The following TRDN variants were observed in gnomAD, a reference collection of about 807,000 sequenced individuals.
TRDN encodes triadin, also known as triadin in skeletal muscle.
Under a neutral mutation model 149.7 loss-of-function variants are expected in TRDN, and 161 were observed. That is an observed-to-expected ratio of 1.08 (90% CI 0.95 to 1.23). The LOEUF is 1.23. TRDN is among the 50% of genes most tolerant of loss of function. The probability of loss-of-function intolerance (pLI) is 0.00; values close to 1 mark genes in which losing one functional copy is unlikely to be tolerated. For synonymous variants in TRDN, 294 were observed against 250.5 expected, an observed-to-expected ratio of 1.17 and a Z score of -1.64; for missense variants, 896 against 823.5, an observed-to-expected ratio of 1.09 and a Z score of -1.08.
chr6:123,301,756 T>TATATATATATACATATATATATATATAC (rs1562252192), intron 24 of TRDN, among the ~76,000 whole-genome samples: 1 of 71,560 alleles, frequency 1.4e-5, no homozygotes, highest in African/African-American at 4.1e-5. Context: ...TATATACATA[T>TATATATATATACATATATATATATATAC]ATATATATAT....
intron 2 of TRDN, among the ~76,000 whole-genome samples, chr6:123,551,348 C>CGT (rs1781380153): frequency 6.9e-6 from 1 of 144,980 alleles, no homozygotes; most frequent in Admixed American, 6.8e-5. Flanking sequence ...TAAATACACA[C>CGT]ACACACACAC....
At chr6:123,622,303 C>CTA (rs113109457) in intron 1 of TRDN, among the ~76,000 whole-genome samples, 21,062 of 150,128 alleles carry the variant, frequency 0.14, 1,777 homozygotes, top group East Asian at 0.32. Flanking sequence ...CTCTCTCTCT[C>CTA]TATATATATA....
chr6:123,573,498 G>A (rs149054272), intron 1 of TRDN, among the ~76,000 whole-genome samples: 457 of 152,020 alleles, frequency 3.0e-3, no homozygotes, highest in Non-Finnish European at 5.2e-3. Flanking sequence ...GATTAACCTC[G>A]GAAACAAAGG....
intron 1 of TRDN, among the ~76,000 whole-genome samples, chr6:123,574,515 T>C (rs1306506568): frequency 6.6e-6 from 1 of 151,906 alleles, no homozygotes; most frequent in African/African-American, 2.4e-5. Context: ...GGGCTACAAG[T>C]GAATCAAACC....
chr6:123,503,121 A>T (rs1583156790), intron 8 of TRDN: 2 of 985,260 alleles, frequency 2.0e-6, no homozygotes, highest in Non-Finnish European at 2.4e-6. Context: ...AATATGTCAC[A>T]TTCAGAGCTT....
chr6:123,347,113 C>A (rs1251296337), intron 21 of TRDN, among the ~76,000 whole-genome samples: 1 of 151,998 alleles, frequency 6.6e-6, no homozygotes, highest in Non-Finnish European at 1.5e-5. Flanking sequence ...GCAAAAGGAA[C>A]TTGTGTTACC....
At chr6:123,630,574 C>A (rs952014696) in intron 1 of TRDN, among the ~76,000 whole-genome samples, 1 of 150,566 alleles carries the variant, frequency 6.6e-6, no homozygotes, top group African/African-American at 2.5e-5. Context: ...AAATTACAGT[C>A]ATAATGATAA....
intron 10 of TRDN, among the ~76,000 whole-genome samples, chr6:123,454,455 A>G (rs1194864148): frequency 6.6e-6 from 1 of 152,192 alleles, no homozygotes; most frequent in African/African-American, 2.4e-5. Context: ...TATTAGAATA[A>G]AGCACATGAG....
intron 24 of TRDN, among the ~76,000 whole-genome samples, chr6:123,305,313 C>G (rs1778566620): frequency 6.6e-6 from 1 of 152,008 alleles, no homozygotes; most frequent in Non-Finnish European, 1.5e-5. Context: ...TCTATATGAT[C>G]AATTAAAAAC....
chr6:123,480,359 T>C (rs1777693976), intron 9 of TRDN, among the ~76,000 whole-genome samples: 1 of 151,896 alleles, frequency 6.6e-6, no homozygotes, highest in African/African-American at 2.4e-5. Context: ...CCTTCACCTC[T>C]CACATGTTAA....
intron 40 of TRDN, among the ~76,000 whole-genome samples, chr6:123,219,389 G>A (rs574653197): frequency 2.1e-4 from 32 of 151,940 alleles, no homozygotes; most frequent in East Asian, 1.6e-3. Flanking sequence ...AAAAGATGGC[G>A]AGTTTAGCAT....
At chr6:123,430,048 T>A (rs1003230816) in intron 12 of TRDN, among the ~76,000 whole-genome samples, 27 of 152,006 alleles carry the variant, frequency 1.8e-4, no homozygotes, top group Non-Finnish European at 1.0e-4. Context: ...GGCAGGAAGA[T>A]CACTTTAGTC....
At chr6:123,320,464 T>A (rs935694856) in intron 23 of TRDN, among the ~76,000 whole-genome samples, 1 of 151,960 alleles carries the variant, frequency 6.6e-6, no homozygotes, top group Non-Finnish European at 1.5e-5. Context: ...GTTGAAAAAA[T>A]GGACAAATTA....
chr6:123,587,004 TG>T (rs1783527202), intron 1 of TRDN, among the ~76,000 whole-genome samples: 1 of 151,482 alleles, frequency 6.6e-6, no homozygotes, highest in Non-Finnish European at 1.5e-5. Context: ...GATATGAGGT[TG>T]GGGTACTTGC....
rs960692679 is a variant in TRDN, at chr6:123,351,443, CTCT to C, written c.1369+1093_1369+1095del. The C allele has an allele frequency of 1.7e-5, 17 of 984,636 alleles. No individual in the cohort carries two copies. In the African/African-American group the frequency reaches 3.0e-4, roughly 17 times the overall value. The allele number at this position is 984,636 out of a possible 1,614,324, so 61.0% of individuals were successfully genotyped here. On this transcript the variant is annotated intron_variant, in intron 21 of 40. Transcript: ENST00000334268. ...TTATATTTCAGAAACTAAAATTCCA[CTCT>C]TCTTCAAAAAGAAACCAACAGAAAC...
At chr6:123,391,015 T>C (rs184915400) in intron 13 of TRDN, among the ~76,000 whole-genome samples, 3 of 152,234 alleles carry the variant, frequency 2.0e-5, no homozygotes, top group Admixed American at 6.6e-5. Flanking sequence ...GTTCTCTCTT[T>C]GGCATTTTAA....
intron 2 of TRDN, among the ~76,000 whole-genome samples, chr6:123,551,810 A>G (rs1005097324): frequency 4.6e-5 from 7 of 152,106 alleles, no homozygotes; most frequent in Admixed American, 3.9e-4. Context: ...ATTCTTAACT[A>G]TTGTGCTATA....
chr6:123,561,179 A>G (rs534138185), intron 2 of TRDN, among the ~76,000 whole-genome samples: 1 of 152,086 alleles, frequency 6.6e-6, no homozygotes, highest in East Asian at 1.9e-4. Context: ...TGGCCTTCCC[A>G]TATCTATACA....
chr6:123,286,970 C>A (rs1026065508), intron 24 of TRDN, among the ~76,000 whole-genome samples: 1 of 152,036 alleles, frequency 6.6e-6, no homozygotes, highest in African/African-American at 2.4e-5. Flanking sequence ...CTCAAATGAT[C>A]CTGATGGCCA....
Sources: allele counts gnomAD v4.1 joint callset (sites outside exome capture counted in the v4.1 genomes callset), GRCh38; gene constraint gnomAD v4.1.1; transcripts MANE v1.5; gene names NCBI Gene and HGNC (gene_info 2026-07-23, HGNC 2026-07-21).